Variants in CTNNA2 observed in about 807,000 individuals in gnomAD.
The protein encoded by CTNNA2 is catenin alpha-2.
CTNNA2 carries 42 observed loss-of-function variants against 101.0 expected under a neutral mutation model. That is an observed-to-expected ratio of 0.42 (90% confidence interval 0.32 to 0.54). The LOEUF is 0.54. Among genes scored for constraint, CTNNA2 ranks in the 20% least tolerant of loss-of-function variants. The pLI is 0.14. For synonymous variants in CTNNA2, 450 were observed against 456.4 expected (o/e 0.99, Z 0.18); for missense variants, 871 against 1,223.1 (o/e 0.71, Z 4.29).
chr2:79,260,715 C>T (rs1674910257), intron 2 of CTNNA2, among the ~76,000 whole-genome samples: 1 of 152,074 alleles, frequency 6.6e-6, no homozygotes. Flanking sequence ...GTGCTGAGTT[C>T]AGTTTCATCA....
At chr2:79,745,438 A>AAT (rs1461269233) in intron 3 of CTNNA2, among the ~76,000 whole-genome samples, 2 of 151,868 alleles carry the variant, frequency 1.3e-5, no homozygotes, top group African/African-American at 4.9e-5. Context: ...CTCTTAAAAA[A>AAT]AAAAAATAAA....
At chr2:79,587,517 T>G (rs2103955249) in intron 1 of CTNNA2, among the ~76,000 whole-genome samples, 1 of 152,308 alleles carries the variant, frequency 6.6e-6, no homozygotes, top group East Asian at 1.9e-4. Context: ...CCTGGCCTCT[T>G]TCTGTTTCTC....
chr2:80,344,086 A>G (rs900588536), intron 7 of CTNNA2, among the ~76,000 whole-genome samples: 10 of 152,120 alleles, frequency 6.6e-5, no homozygotes, highest in African/African-American at 1.4e-4. Flanking sequence ...CCTGAATCCA[A>G]TGGAGGACTC....
chr2:79,660,354 GTATA>G (rs1681948813), intron 2 of CTNNA2, among the ~76,000 whole-genome samples: 1 of 150,302 alleles, frequency 6.7e-6, no homozygotes, highest in African/African-American at 2.4e-5. Flanking sequence ...ATATGTGTAT[GTATA>G]CTAAATACAT....
chr2:80,328,211 G>A, intron 7 of CTNNA2: 1 of 456,890 alleles, frequency 2.2e-6, no homozygotes, highest in Admixed American at 2.4e-5. Context: ...TGCTTTTTTG[G>A]GTTTTGTCAT....
intron 7 of CTNNA2, among the ~76,000 whole-genome samples, chr2:80,008,542 C>T (rs1005671295): frequency 6.6e-6 from 1 of 152,134 alleles, no homozygotes; most frequent in Non-Finnish European, 1.5e-5. Flanking sequence ...AGTATTCATG[C>T]ATGGGAGGAA....
At chr2:79,354,740 G>A (rs915600012) in intron 3 of CTNNA2, among the ~76,000 whole-genome samples, 102 of 152,146 alleles carry the variant, frequency 6.7e-4, no homozygotes, top group African/African-American at 2.4e-3. Context: ...CACTGTGAGA[G>A]TGAATTGCCC....
At chr2:79,239,358 G>T (rs1674594630) in intron 2 of CTNNA2, among the ~76,000 whole-genome samples, 1 of 152,074 alleles carries the variant, frequency 6.6e-6, no homozygotes, top group African/African-American at 2.4e-5. Flanking sequence ...AAAACAAGCA[G>T]TAGGGAAAAG....
chr2:79,348,503 C>T (rs963408486), intron 3 of CTNNA2, among the ~76,000 whole-genome samples: 2 of 152,112 alleles, frequency 1.3e-5, no homozygotes, highest in African/African-American at 2.4e-5. Context: ...ATTCTGGGGG[C>T]GATCTAGATG....
chr2:80,616,596 T>C (rs1253362522), intron 17 of CTNNA2: 1 of 151,718 alleles, frequency 6.6e-6, no homozygotes. Flanking sequence ...GTGACTATAA[T>C]AATGGAGTCT....
chr2:80,599,274 A>G (rs1697255398), intron 15 of CTNNA2, among the ~76,000 whole-genome samples: 1 of 152,232 alleles, frequency 6.6e-6, no homozygotes, highest in Non-Finnish European at 1.5e-5. Flanking sequence ...GTGCAGAATT[A>G]TAGAATGAAC....
At chr2:80,415,891 C>A (rs1339128655) in intron 8 of CTNNA2, among the ~76,000 whole-genome samples, 1 of 151,974 alleles carries the variant, frequency 6.6e-6, no homozygotes, top group Admixed American at 6.6e-5. Flanking sequence ...TATGTGACAA[C>A]ATGGATGGAC....
At chr2:79,978,479 G>A (rs1458102783) in intron 7 of CTNNA2, among the ~76,000 whole-genome samples, 1 of 152,010 alleles carries the variant, frequency 6.6e-6, no homozygotes, top group African/African-American at 2.4e-5. Flanking sequence ...TATCATCAAG[G>A]GACACTACTC....
chr2:80,402,564 A>G (rs1017598187), intron 8 of CTNNA2, among the ~76,000 whole-genome samples: 2 of 152,044 alleles, frequency 1.3e-5, no homozygotes, highest in East Asian at 3.9e-4. Flanking sequence ...GCTGTTTCCA[A>G]TGTTACCACC....
intron 7 of CTNNA2, among the ~76,000 whole-genome samples, chr2:80,286,800 T>A (rs13019601): frequency 0.27 from 41,358 of 152,076 alleles, 6,442 homozygotes; most frequent in East Asian, 0.4. Context: ...GTTATAGTAT[T>A]CATCCTATTC....
At chr2:79,791,102 T>C (rs1398045685) in intron 3 of CTNNA2, among the ~76,000 whole-genome samples, 2 of 152,192 alleles carry the variant, frequency 1.3e-5, no homozygotes, top group African/African-American at 4.8e-5. Context: ...AGATATAAAA[T>C]TAGCCCAGTG....
At chr2:80,292,193 C>T (rs1675320961) in intron 7 of CTNNA2, among the ~76,000 whole-genome samples, 1 of 152,104 alleles carries the variant, frequency 6.6e-6, no homozygotes, top group Non-Finnish European at 1.5e-5. Context: ...TAGTACTTGC[C>T]ACATGCCAGA....
At chr2:79,376,248 C>T (rs983787326) in intron 4 of CTNNA2, among the ~76,000 whole-genome samples, 3 of 152,038 alleles carry the variant, frequency 2.0e-5, no homozygotes, top group East Asian at 1.9e-4. Context: ...AAGAGCATTA[C>T]AAAGAGAGAG....
chr2:80,501,390 C>A (rs1264315035), intron 9 of CTNNA2, among the ~76,000 whole-genome samples: 3 of 152,194 alleles, frequency 2.0e-5, no homozygotes, highest in Non-Finnish European at 2.9e-5. Context: ...GTATTACTAA[C>A]AAATCCCTTA....
Sources: allele counts gnomAD v4.1 joint callset (sites outside exome capture counted in the v4.1 genomes callset), GRCh38; gene constraint gnomAD v4.1.1; transcripts MANE v1.5; gene names NCBI Gene and HGNC (gene_info 2026-07-23, HGNC 2026-07-21).